Variants in PARP11 observed in about 807,000 individuals in gnomAD.
The protein encoded by PARP11 is poly(ADP-ribose) polymerase family member 11, also known as protein mono-ADP-ribosyltransferase PARP11.
PARP11 carries 31 observed loss-of-function variants against 42.9 expected under a neutral mutation model. The ratio of observed to expected loss-of-function variants is 0.72; its 90% CI spans 0.54 to 0.98. PARP11 has a LOEUF of 0.98. PARP11 is among the 50% of genes least tolerant of loss of function. PARP11 has a pLI of 0.00. For synonymous variants in PARP11, 137 were observed against 127.3 expected, an observed-to-expected ratio of 1.08 and a Z score of -0.51; for missense variants, 365 against 413.1, an observed-to-expected ratio of 0.88 and a Z score of 1.01.
intron 4 of PARP11, among the ~76,000 whole-genome samples, chr12:3,823,978 G>A (rs956767360): frequency 1.5e-4 from 22 of 151,102 alleles, no homozygotes; most frequent in Admixed American, 7.3e-4. Context: ...ATGTCCACTT[G>A]TTTATCTGTA....
At chr12:3,848,451 A>G (rs1405741180) in intron 1 of PARP11, among the ~76,000 whole-genome samples, 1 of 152,312 alleles carries the variant, frequency 6.6e-6, no homozygotes, top group East Asian at 1.9e-4. Context: ...TACTTGCATA[A>G]AAAGACACAT....
intron 1 of PARP11, among the ~76,000 whole-genome samples, chr12:3,836,336 CA>C (rs77836921): frequency 1.3e-5 from 2 of 149,838 alleles, no homozygotes; most frequent in Non-Finnish European, 3.0e-5. Flanking sequence ...AAAAAACAAA[CA>C]AAAAAAAAGC....
At chr12:3,859,070 C>A (rs1156906949) in intron 1 of PARP11, among the ~76,000 whole-genome samples, 4 of 149,868 alleles carry the variant, frequency 2.7e-5, no homozygotes, top group Middle Eastern at 3.4e-3. Flanking sequence ...TGCACTCGAG[C>A]CTGGGCGACA....
chr12:3,841,988 A>C lies in PARP11; in HGVS notation c.19-11970T>G, dbSNP rs1947897678. On this transcript the variant is annotated intron_variant, in intron 1 of 7. Coordinates refer to ENST00000228820, the MANE Select transcript of PARP11 (RefSeq NM_020367.6). Reference sequence around the variant, plus strand: ...AAGCCAGACGAAGGCCGGACAGAGCAATCTTCCCAGACACGAAAGGCAGAT... The same window carrying C: ...AAGCCAGACGAAGGCCGGACAGAGCCATCTTCCCAGACACGAAAGGCAGAT... The C allele has an allele frequency of 3.1e-6, 5 of 1,611,030 alleles. No individual in the cohort carries two copies. In the South Asian group the frequency reaches 5.5e-5, roughly 18 times the overall value.
intron 6 of PARP11, among the ~76,000 whole-genome samples, chr12:3,817,060 G>A (rs555376520): frequency 1.3e-4 from 20 of 150,766 alleles, no homozygotes; most frequent in Admixed American, 3.3e-4. Flanking sequence ...GCGTGGTGGC[G>A]GGCGCCTGTA....
At chr12:3,857,222 C>T (rs2138107233) in intron 1 of PARP11, among the ~76,000 whole-genome samples, 1 of 152,042 alleles carries the variant, frequency 6.6e-6, no homozygotes, top group East Asian at 1.9e-4. Flanking sequence ...CACATGTATA[C>T]ATATGAAACA....
At chr12:3,841,804 C>G in intron 1 of PARP11, 1 of 1,609,838 alleles carries the variant, frequency 6.2e-7, no homozygotes, top group Non-Finnish European at 8.5e-7. Context: ...AGTAATGAGG[C>G]AGAATATTGT....
At chr12:3,859,117 ATAT>A (rs1244693966) in intron 1 of PARP11, among the ~76,000 whole-genome samples, 1 of 151,838 alleles carries the variant, frequency 6.6e-6, no homozygotes, top group Admixed American at 6.6e-5. Context: ...AAAAAGAAAA[ATAT>A]TATATAAAAT....
chr12:3,840,833 A>G lies in PARP11; in HGVS notation c.19-10815T>C. On this transcript the variant is annotated intron_variant, in intron 1 of 7. Transcript: ENST00000228820. This position sits in a 1 kb window ranked among gnomAD's most constrained non-coding sequence, Gnocchi z 4.4. ...TCACCATCAAAGTCAAAGAAGTTAG[A>G]GTGCCCTTCTCCTGCAGAACAAAAG... 1 of 1,595,880 alleles carries G rather than the reference A, an allele frequency of 6.3e-7. No homozygotes were observed. Among genetic ancestry groups the G allele is most frequent in the Non-Finnish European group, 8.6e-7 (1 of 1,163,344 alleles).
intron 4 of PARP11, among the ~76,000 whole-genome samples, chr12:3,822,733 T>C (rs960936396): frequency 3.0e-5 from 4 of 134,424 alleles, no homozygotes; most frequent in African/African-American, 1.1e-4. Context: ...TTCTGTCTTG[T>C]TTTTTTTGAA....
chr12:3,822,317 G>A (rs952519065), intron 4 of PARP11, among the ~76,000 whole-genome samples, 160 bp from the exon 5 acceptor site: 37 of 151,784 alleles, frequency 2.4e-4, no homozygotes, highest in African/African-American at 8.2e-4. Context: ...ATTGACTGTC[G>A]GCCGGGCGCG....
At chr12:3,842,391 G>T (rs3816503) in intron 1 of PARP11, 98,092 of 1,611,008 alleles carry the variant, frequency 0.061, 3,661 homozygotes, top group East Asian at 0.19. Context: ...AGGAGTCCTG[G>T]AAAGGACAGC....
In PARP11 at chr12:3,840,276, A is replaced by G; in HGVS notation, c.19-10258T>C. 1 of 1,614,060 alleles carries G rather than the reference A, an allele frequency of 6.2e-7. No individual in the cohort carries two copies. The highest frequency in any genetic ancestry group is 8.5e-7 in the Non-Finnish European group (1 of 1,179,882). On this transcript the variant is annotated intron_variant, in intron 1 of 7. Coordinates refer to ENST00000228820, the MANE Select transcript of PARP11 (RefSeq NM_020367.6). This position sits in a 1 kb window ranked among gnomAD's most constrained non-coding sequence, Gnocchi z 4.4. ...TTGAAGAACTGGGAAAGTACACATC[A>G]AAGAACCTCAAGGCACCTCCCCCAG...
intron 1 of PARP11, among the ~76,000 whole-genome samples, chr12:3,838,766 CCCCTCCGGCG>C (rs1254409713): frequency 6.6e-6 from 1 of 152,254 alleles, no homozygotes; most frequent in Non-Finnish European, 1.5e-5. Flanking sequence ...CCGCTCCCCG[CCCCTCCGGCG>C]CCCTCCAGCG....
chr12:3,856,949 TA>T (rs1352207216), intron 1 of PARP11, among the ~76,000 whole-genome samples: 1 of 151,992 alleles, frequency 6.6e-6, no homozygotes, highest in Non-Finnish European at 1.5e-5. Context: ...TATGCAGCCA[TA>T]AAAAAGGATG....
chr12:3,861,970 G>T lies in PARP11; in HGVS notation c.18+11242C>A, dbSNP rs1948301070. On this transcript the variant is annotated intron_variant, in intron 1 of 7. Coordinates refer to ENST00000228820, the MANE Select transcript of PARP11 (RefSeq NM_020367.6). This position sits in a 1 kb window ranked among gnomAD's most constrained non-coding sequence, Gnocchi z 4.6. ...AACCCAGGAGGCAGAGCTTGCAGTA[G>T]GATGAGATAGCACCACTGCACTCCA... Among the ~76,000 whole-genome samples, 2 of 151,998 alleles carry T rather than the reference G, an allele frequency of 1.3e-5. No homozygotes were observed.
intron 1 of PARP11, among the ~76,000 whole-genome samples, chr12:3,837,486 T>C (rs1011062867): frequency 2.0e-5 from 3 of 152,014 alleles, no homozygotes; most frequent in African/African-American, 7.2e-5. Flanking sequence ...AGTTAAAACA[T>C]ACGACCAGAG....
At chr12:3,858,266 G>C (rs1368596713) in intron 1 of PARP11, among the ~76,000 whole-genome samples, 1 of 152,108 alleles carries the variant, frequency 6.6e-6, no homozygotes, top group Non-Finnish European at 1.5e-5. Context: ...CAGTATCAAT[G>C]GTAAAATAAT....
At chr12:3,842,016 G>C in intron 1 of PARP11, 1 of 1,611,322 alleles carries the variant, frequency 6.2e-7, no homozygotes, top group Non-Finnish European at 8.5e-7. Flanking sequence ...AGGCAGATAT[G>C]GCATTGGCTT....
Sources: allele counts gnomAD v4.1 joint callset (sites outside exome capture counted in the v4.1 genomes callset), GRCh38; gene constraint gnomAD v4.1.1; non-coding constraint Gnocchi (gnomAD v3.1); transcripts MANE v1.5; gene names NCBI Gene and HGNC (gene_info 2026-07-23, HGNC 2026-07-21).